The following COL6A5 variants were observed in gnomAD, a reference collection of about 807,000 sequenced individuals.
The protein encoded by COL6A5 is collagen type VI alpha 5 chain.
COL6A5 carries 48 observed loss-of-function variants against 65.6 expected under a neutral mutation model. That is an observed-to-expected ratio of 0.73 (90% CI 0.58 to 0.93). The LOEUF is 0.93. Ranked by LOEUF, COL6A5 falls within the 40% of genes least tolerant of loss-of-function variation. The pLI is 0.00. For synonymous variants in COL6A5, 291 were observed against 322.8 expected, an observed-to-expected ratio of 0.90 and a Z score of 1.05; for missense variants, 914 against 928.3, an observed-to-expected ratio of 0.98 and a Z score of 0.20.
chr3:130,347,728 A>C (rs1934543235), intron 1 of COL6A5, among the ~76,000 whole-genome samples: 2 of 152,202 alleles, frequency 1.3e-5, no homozygotes, highest in South Asian at 4.1e-4. Flanking sequence ...GCATATACTC[A>C]GAATCCTCCA....
At position 130,416,833 on chromosome 3, in the gene COL6A5, C is replaced by T; in HGVS notation, c.4887+14C>T. ...TTGGGGAAAAAAGTAGATATTATTT[C>T]TGTTTTTTAATTCTTTTAAAAACAT... is the stretch of plus-strand genomic sequence containing the variant. On this transcript the variant is annotated intron_variant and NMD_transcript_variant, in intron 24 of 41. Coordinates refer to the COL6A5 transcript ENST00000312481. 1.4e-6 allele frequency: 2 copies of T among 1,401,078 alleles called. No homozygotes were observed. Among genetic ancestry groups the T allele is most frequent in the East Asian group, 2.6e-5 (1 of 39,196 alleles). 86.8% of individuals were successfully genotyped at this position (1,401,078 alleles called of 1,614,324 possible). A position where few individuals can be genotyped will look rare whatever the true frequency, so the allele number is the denominator to read the frequency against.
At chr3:130,426,186 TA>T in intron 29 of COL6A5, 27 bp from the exon 30 acceptor site, 2 of 1,550,144 alleles carry the variant, frequency 1.3e-6, no homozygotes, top group Non-Finnish European at 8.7e-7. Flanking sequence ...GGCATACCAC[TA>T]ACTTGCTCTG....
rs747646375 is a variant in COL6A5 at position 130,443,456 on chromosome 3, T to A, written c.1242-20T>A. On this transcript the variant is annotated intron_variant, in intron 3 of 7. Coordinates refer to ENST00000512836, the Ensembl canonical transcript of COL6A5. ...CATTTCCAGTTTTAAAATCTAACTA[T>A]AACTTTGTTCTCTCAATAGGGGGAT... is the stretch of plus-strand genomic sequence containing the variant. 1.9e-6 allele frequency: 3 copies of A among 1,547,128 alleles called. No individual in the cohort carries two copies. In the African/African-American group the frequency reaches 4.1e-5, roughly 21 times the overall value.
At chr3:130,410,475 G>C (rs1014452456) in exon 20 of COL6A5, 2 of 1,550,036 alleles carry the variant, frequency 1.3e-6, no homozygotes, top group Non-Finnish European at 1.7e-6. Flanking sequence ...TTTTAGGGTA[G>C]AAGTGGACAG....
chr3:130,416,791 C>T (rs749445892), exon 24 of COL6A5: 2 of 1,530,504 alleles, frequency 1.3e-6, no homozygotes, highest in South Asian at 2.5e-5. Context: ...AAAGGGAGCA[C>T]TGGAAGACCT....
In COL6A5 at chr3:130,376,354, T is replaced by C. The variant is rs755440687; in HGVS notation, c.185T>C (p.Ile62Thr). The change falls in exon 3 of 42, where the codon ATA becomes ACA. Residue 62 changes from isoleucine (I) to threonine (T), a missense_variant and NMD_transcript_variant. Transcript: ENST00000312481. ...AACAAAATGATCAACAGTCTCCCCA[T>C]AGAGGCCAACAAATACCGTGTAGCC... 11 of 1,613,638 alleles carry C rather than the reference T, an allele frequency of 6.8e-6. No individual in the cohort carries two copies. The East Asian group carries it at 2.2e-4, about 33-fold the overall frequency.
intron 5 of COL6A5, among the ~76,000 whole-genome samples, chr3:130,387,622 A>G (rs1338898240): frequency 6.6e-6 from 1 of 152,054 alleles, no homozygotes; most frequent in Non-Finnish European, 1.5e-5. Context: ...ACGTTTATTA[A>G]GTAATAGTTA....
intron 5 of COL6A5, among the ~76,000 whole-genome samples, chr3:130,456,191 A>C (rs921700063): frequency 2.0e-5 from 3 of 152,270 alleles, no homozygotes; most frequent in Non-Finnish European, 4.4e-5. Context: ...TGTGGTACCC[A>C]GAAATGATAG....
At chr3:130,454,201 A>G (rs1709511695) in intron 4 of COL6A5, among the ~76,000 whole-genome samples, 1 of 151,528 alleles carries the variant, frequency 6.6e-6, no homozygotes, top group African/African-American at 2.4e-5. Flanking sequence ...ACTTAATGCA[A>G]TGAATGATTC....
At chr3:130,478,200 G>C (rs572110572) in intron 7 of COL6A5, among the ~76,000 whole-genome samples, 28 of 152,212 alleles carry the variant, frequency 1.8e-4, no homozygotes, top group African/African-American at 5.8e-4. Flanking sequence ...TCTTAGCATA[G>C]AGTAAAAGCT....
exon 8 of COL6A5, chr3:130,484,038 G>T: frequency 6.2e-7 from 1 of 1,608,682 alleles, no homozygotes. Flanking sequence ...TTTGCAGATG[G>T]TGAAGATACA....
chr3:130,371,353 G>A (rs1935549371), intron 1 of COL6A5, among the ~76,000 whole-genome samples: 1 of 151,238 alleles, frequency 6.6e-6, no homozygotes, highest in African/African-American at 2.4e-5. Context: ...AAATGCACAG[G>A]GCTCAGAATA....
intron 22 of COL6A5, 36 bp from the exon 23 acceptor site, chr3:130,415,609 C>T (rs13070906): frequency 0.081 from 123,333 of 1,517,460 alleles, 5,421 homozygotes; most frequent in East Asian, 0.1. Context: ...CTTTCATTGA[C>T]ATAATTGCAT....
chr3:130,431,603 C>T (rs1360264224), exon 1 of COL6A5: 2 of 1,551,538 alleles, frequency 1.3e-6, no homozygotes, highest in Non-Finnish European at 8.7e-7. Flanking sequence ...AATAACTGTC[C>T]TGTGGGAGCA....
chr3:130,349,857 TA>T (rs1934636684), intron 1 of COL6A5, among the ~76,000 whole-genome samples: 1 of 152,220 alleles, frequency 6.6e-6, no homozygotes, highest in Non-Finnish European at 1.5e-5. Flanking sequence ...AGGTAGGCAG[TA>T]CATGGTTATT....
At chr3:130,448,055 T>G (rs1577520103) in intron 4 of COL6A5, among the ~76,000 whole-genome samples, 2 of 152,192 alleles carry the variant, frequency 1.3e-5, no homozygotes, top group South Asian at 4.1e-4. Flanking sequence ...TTAAAGGAAC[T>G]ACAATTACAT....
chr3:130,454,861 C>T (rs1709530313), intron 4 of COL6A5, among the ~76,000 whole-genome samples: 1 of 152,038 alleles, frequency 6.6e-6, no homozygotes, highest in Non-Finnish European at 1.5e-5. Context: ...TCTGAAAATG[C>T]TGGACATGGT....
At chr3:130,403,890 C>T (rs1316716082) in intron 13 of COL6A5, among the ~76,000 whole-genome samples, 1 of 152,020 alleles carries the variant, frequency 6.6e-6, no homozygotes, top group Non-Finnish European at 1.5e-5. Flanking sequence ...CCTTTCTTTT[C>T]ACTTTTCCTT....
At chr3:130,441,727 G>T (rs908963141) in intron 3 of COL6A5, among the ~76,000 whole-genome samples, 1 of 152,114 alleles carries the variant, frequency 6.6e-6, no homozygotes, top group Non-Finnish European at 1.5e-5. Context: ...GATGCTACTA[G>T]TATCAAGTAA....
Sources: gnomAD v4.1 joint callset for allele counts (sites outside exome capture counted in the v4.1 genomes callset) on GRCh38, gnomAD v4.1.1 for gene constraint, MANE v1.5 for transcripts, NCBI Gene and HGNC (gene_info 2026-07-23, HGNC 2026-07-21) for gene names.